FMN1: variants seen among roughly 807,000 people sequenced by gnomAD.
FMN1 encodes the protein formin 1.
Under a neutral mutation model 132.4 loss-of-function variants are expected in FMN1, and 110 were observed. That is an observed-to-expected ratio of 0.83 (90% CI 0.71 to 0.97). The LOEUF is 0.97. FMN1 is among the 50% of genes least tolerant of loss of function. The pLI is 0.00. For missense variants in FMN1, 1,792 were observed against 1,705.3 expected, an observed-to-expected ratio of 1.05 and a Z score of -0.90; for synonymous variants, 722 against 651.7, an observed-to-expected ratio of 1.11 and a Z score of -1.64.
rs869195145 is a variant in FMN1 at position 33,127,173 on chromosome 15, GGA to G, written c.1867+25873_1867+25874del. Among the ~76,000 whole-genome samples the G allele has an allele frequency of 3.4e-4, 26 of 75,840 alleles. No individual in the cohort carries two copies. The East Asian group carries it at 0.034, about 99-fold the overall frequency. 49.8% of individuals were successfully genotyped at this position (75,840 alleles called of 152,430 possible). On this transcript the variant is annotated intron_variant, in intron 4 of 20. Transcript: ENST00000616417. Reference sequence around the variant, plus strand: ...CATGTTACATTCTCTCAAACAGAGAGGAGGTCAGGCCAGATCTGTTTCTCCTC... The same window carrying G: ...CATGTTACATTCTCTCAAACAGAGAGGGTCAGGCCAGATCTGTTTCTCCTC...
intron 6 of FMN1, among the ~76,000 whole-genome samples, chr15:33,034,066 T>G (rs1205243456): frequency 6.6e-6 from 1 of 152,144 alleles, no homozygotes; most frequent in Non-Finnish European, 1.5e-5. Context: ...TCTCAAAGTT[T>G]TAAACACCAG....
At chr15:33,140,091 C>T (rs868209482) in intron 4 of FMN1, among the ~76,000 whole-genome samples, 6 of 151,782 alleles carry the variant, frequency 4.0e-5, no homozygotes, top group South Asian at 4.2e-4. Context: ...AAAATAAATC[C>T]TGATGATGCC....
chr15:32,998,651 G>A (rs887038792), intron 7 of FMN1, among the ~76,000 whole-genome samples: 4 of 152,098 alleles, frequency 2.6e-5, no homozygotes, highest in Non-Finnish European at 4.4e-5. Context: ...TGGCCAACAC[G>A]CAGAAACTCA....
chr15:32,987,250 C>T (rs1342360100), intron 7 of FMN1, among the ~76,000 whole-genome samples: 3 of 152,058 alleles, frequency 2.0e-5, no homozygotes, highest in African/African-American at 4.8e-5. Context: ...ACCACATGAC[C>T]GCTGTAGCGT....
At chr15:33,027,394 A>T (rs1476662930) in intron 6 of FMN1, among the ~76,000 whole-genome samples, 1 of 152,200 alleles carries the variant, frequency 6.6e-6, no homozygotes, top group East Asian at 1.9e-4. Context: ...TCATTCACTC[A>T]GTTCACATCT....
intron 7 of FMN1, among the ~76,000 whole-genome samples, chr15:32,982,279 A>G (rs1295281343): frequency 2.0e-5 from 3 of 152,188 alleles, no homozygotes; most frequent in African/African-American, 4.8e-5. Flanking sequence ...AATGCTAGTG[A>G]GAATGTGGAA....
intron 12 of FMN1, among the ~76,000 whole-genome samples, chr15:32,905,311 C>T (rs1199839371): frequency 1.3e-5 from 2 of 152,152 alleles, no homozygotes; most frequent in African/African-American, 2.4e-5. Flanking sequence ...TGCACATAGG[C>T]GATACACATA....
rs1165080293 is a variant in FMN1, at chr15:32,821,737, ACCACATC to A, written c.3929-17412_3929-17406del. On this transcript the variant is annotated intron_variant, in intron 17 of 20. Transcript: ENST00000616417. ...AGTGCTGGGATTACAGGCATGAGCC[ACCACATC>A]CGGCTAATACTTAAATCTTAACACC... Among the ~76,000 whole-genome samples, 9 of 152,222 alleles carry A rather than the reference ACCACATC, an allele frequency of 5.9e-5. No homozygotes were observed. In the South Asian group the frequency reaches 1.2e-3, roughly 21 times the overall value.
At chr15:33,083,086 A>G (rs1352449576) in intron 5 of FMN1, among the ~76,000 whole-genome samples, 1 of 152,304 alleles carries the variant, frequency 6.6e-6, no homozygotes, top group Non-Finnish European at 1.5e-5. Context: ...TCTAGCATCT[A>G]CACCAAAGTA....
intron 4 of FMN1, among the ~76,000 whole-genome samples, chr15:33,143,530 A>T (rs1964092506): frequency 6.6e-6 from 1 of 152,186 alleles, no homozygotes; most frequent in South Asian, 2.1e-4. Context: ...ACCAAAAATA[A>T]AGAGACATCT....
At chr15:32,809,529 T>C (rs968843939) in intron 17 of FMN1, among the ~76,000 whole-genome samples, 1 of 152,200 alleles carries the variant, frequency 6.6e-6, no homozygotes, top group African/African-American at 2.4e-5. Context: ...GTGGGACTCA[T>C]GGCTGGTCTC....
chr15:32,865,550 G>C (rs1280406406), intron 16 of FMN1, among the ~76,000 whole-genome samples: 1 of 152,084 alleles, frequency 6.6e-6, no homozygotes, highest in African/African-American at 2.4e-5. Context: ...TAAAATAAAA[G>C]ACCTGGCCGG....
chr15:33,100,928 G>A (rs1043669205), intron 4 of FMN1, among the ~76,000 whole-genome samples: 3 of 152,022 alleles, frequency 2.0e-5, no homozygotes, highest in African/African-American at 7.2e-5. Flanking sequence ...ATAAGAAAAT[G>A]TTCACAATAT....
intron 7 of FMN1, among the ~76,000 whole-genome samples, chr15:32,993,345 C>T (rs2033558837): frequency 6.6e-6 from 1 of 152,114 alleles, no homozygotes; most frequent in African/African-American, 2.4e-5. Flanking sequence ...CTCAGTTAAT[C>T]CTTTAAATTA....
At chr15:32,966,909 T>C (rs1307862382) in intron 8 of FMN1, among the ~76,000 whole-genome samples, 1 of 152,174 alleles carries the variant, frequency 6.6e-6, no homozygotes, top group Non-Finnish European at 1.5e-5. Flanking sequence ...TTAAAAGCAG[T>C]AGTGCTAATA....
At chr15:33,123,397 G>A (rs1358798368) in intron 4 of FMN1, among the ~76,000 whole-genome samples, 5 of 152,114 alleles carry the variant, frequency 3.3e-5, no homozygotes, top group African/African-American at 1.2e-4. Flanking sequence ...ATAGTATACA[G>A]ACTTGGTTCA....
rs185716474 is a variant in FMN1 at position 32,810,354 on chromosome 15, G to A, written c.3929-6022C>T. Among the ~76,000 whole-genome samples, 132 of 152,272 alleles carry A rather than the reference G, an allele frequency of 8.7e-4. No individual in the cohort carries two copies. The South Asian group carries it at 0.024, about 27-fold the overall frequency. The stretch of plus-strand genomic sequence containing the variant: ...CATCTTTTGTTTGCAACAAAATAGT[G>A]AAGAGTAGAGTAGAACTGAAAAGCA... On this transcript the variant is annotated intron_variant, in intron 17 of 20. Coordinates refer to ENST00000616417, the MANE Select transcript of FMN1 (RefSeq NM_001277313.2).
In FMN1 at chr15:32,766,158, C is replaced by T. The variant is rs1345286831; in HGVS notation, c.*8152G>A. The T allele has an allele frequency of 1.3e-5, 2 of 152,144 alleles. No individual in the cohort carries two copies. Among genetic ancestry groups the T allele is most frequent in the African/African-American group, 2.4e-5 (1 of 41,424 alleles). The allele number at this position is 152,144 out of a possible 1,614,324, so 9.4% of individuals were successfully genotyped here. On this transcript the variant is annotated 3_prime_UTR_variant, in exon 21 of 21. Coordinates refer to ENST00000616417, the MANE Select transcript of FMN1 (RefSeq NM_001277313.2). ...TCTAATACTTAATTAAACAGAAAAG[C>T]CTATGTTTTACCAGGTTAAATGGCT... is the stretch of plus-strand genomic sequence containing the variant.
At chr15:33,057,248 T>C (rs1017204080) in intron 6 of FMN1, among the ~76,000 whole-genome samples, 7 of 152,092 alleles carry the variant, frequency 4.6e-5, no homozygotes, top group African/African-American at 1.2e-4. Context: ...GAAAGGGAAA[T>C]TGTAGCAATT....
Sources: allele counts gnomAD v4.1 joint callset (sites outside exome capture counted in the v4.1 genomes callset), GRCh38; gene constraint gnomAD v4.1.1; transcripts MANE v1.5; gene names NCBI Gene and HGNC (gene_info 2026-07-23, HGNC 2026-07-21).